The following KCNH3 variants were observed in gnomAD, a reference collection of about 807,000 sequenced individuals.
KCNH3 encodes the protein potassium voltage-gated channel subfamily H member 3.
In KCNH3, 36 loss-of-function variants were observed where a neutral mutation model predicts 95.6. The ratio of observed to expected loss-of-function variants is 0.38; its 90% CI spans 0.29 to 0.50. The LOEUF (loss-of-function observed/expected upper bound fraction) is 0.50. Among genes scored for constraint, KCNH3 ranks in the 20% least tolerant of loss-of-function variants. The pLI, the probability that KCNH3 is intolerant of heterozygous loss-of-function variation, is 0.95. For synonymous variants in KCNH3, 620 were observed against 646.3 expected, an observed-to-expected ratio of 0.96 and a Z score of 0.62; for missense variants, 1,030 against 1,484.1, an observed-to-expected ratio of 0.69 and a Z score of 5.03.
chr12:49,543,493 G>A lies in KCNH3; in HGVS notation c.798G>A (p.Leu266=). The change falls in exon 5 of 15, where the codon CTG becomes CTA. Residue 266 remains leucine, a synonymous_variant. Transcript: ENST00000257981. ...GCGGCCCGCCCAGCGTCTGTGACCTGGCCGTGGAGGTCCTCTTCATCCTTG... is the reference window on the plus strand; with the variant it reads ...GCGGCCCGCCCAGCGTCTGTGACCTAGCCGTGGAGGTCCTCTTCATCCTTG... ...AARGPPSVCD[L]AVEVLFILDI... 1 of 1,598,780 alleles carries A rather than the reference G, an allele frequency of 6.3e-7. No homozygotes were observed. The highest frequency in any genetic ancestry group is 8.5e-7 in the Non-Finnish European group (1 of 1,178,412).
Position 49,557,711 on chromosome 12 carries a change from G to A in KCNH3, c.3010G>A (p.Ala1004Thr), listed in dbSNP as rs1938524759. ...CTCCACCTCAGACTCAGAGCCCCCT[G>A]CCTCAGGAGACCTCTGCTCTGAGCC... is the stretch of plus-strand genomic sequence containing the variant. ...WTSTSDSEPP[A>T]SGDLCSEPST... The change falls in exon 15 of 15, where the codon GCC becomes ACC. Residue 1004 changes from alanine (A) to threonine (T), a missense_variant. Ala to Thr is a moderately conservative substitution (Grantham distance 58). Transcript: ENST00000257981. 1.2e-6 allele frequency: 2 copies of A among 1,613,834 alleles called. No individual in the cohort carries two copies. Among genetic ancestry groups the A allele is most frequent in the Non-Finnish European group, 1.7e-6 (2 of 1,179,996 alleles).
rs573857945 is a variant in KCNH3 at position 49,558,249 on chromosome 12, C to T, written c.*296C>T. The T allele has an allele frequency of 4.0e-5, 16 of 397,046 alleles. No homozygotes were observed. The South Asian group carries it at 7.6e-4, about 19-fold the overall frequency. The allele number at this position is 397,046 out of a possible 1,614,324, so 24.6% of individuals were successfully genotyped here. ...TTGCCATCCCCTGCATGTGCCCCTG[C>T]CTCTACCTGTCCCCAAATTTTTATA... is the stretch of plus-strand genomic sequence containing the variant. On this transcript the variant is annotated 3_prime_UTR_variant, in exon 15 of 15. Coordinates refer to ENST00000257981, the MANE Select transcript of KCNH3 (RefSeq NM_012284.3).
chr12:49,544,141 T>TGCCAG, intron 6 of KCNH3, 34 bp from the exon 7 acceptor site: 24 of 1,413,196 alleles, frequency 1.7e-5, no homozygotes, highest in Non-Finnish European at 2.1e-5. Context: ...CCCGCTGACC[T>TGCCAG]CCCTCCCTCC....
intron 10 of KCNH3, among the ~76,000 whole-genome samples, chr12:49,551,025 A>G (rs1443936041): frequency 6.6e-6 from 1 of 152,164 alleles, no homozygotes; most frequent in Admixed American, 6.5e-5. Context: ...CACAAAACCC[A>G]TTATTCCTAT....
intron 10 of KCNH3, among the ~76,000 whole-genome samples, chr12:49,552,668 A>G (rs1938302703): frequency 6.6e-6 from 1 of 152,236 alleles, no homozygotes; most frequent in South Asian, 2.1e-4. Flanking sequence ...GTTGTGAGGA[A>G]GGAAGTAGTT....
rs1257541379 is a variant in KCNH3 at position 49,544,250 on chromosome 12, T to C, written c.1057T>C (p.Ser353Pro). ...LRLLPRLDRY[S>P]QYSAVVLTLL... ...CCTGCTTCCGCGGCTGGACCGGTAC[T>C]CGCAGTACAGCGCCGTGGTGCTGAC... is the stretch of plus-strand genomic sequence containing the variant. Residue 353 changes from serine to proline, a missense_variant, in exon 7 of 15, where the codon TCG becomes CCG. Physicochemically the swap from Ser to Pro is moderately conservative, Grantham distance 74. Around this residue, in one of 9 missense-constraint regions of KCNH3, gnomAD observed 153 missense variants for 288.5 expected, o/e 0.53. Coordinates refer to ENST00000257981, the MANE Select transcript of KCNH3 (RefSeq NM_012284.3). 1.2e-6 allele frequency: 2 copies of C among 1,603,662 alleles called. No individual in the cohort carries two copies. Among genetic ancestry groups the C allele is most frequent in the Middle Eastern group, 3.3e-4 (2 of 6,046 alleles).
chr12:49,550,119 G>A lies in KCNH3; in HGVS notation c.1708G>A (p.Ala570Thr), dbSNP rs1264097797. ...SLPDELRADI[A>T]MHLHKEVLQL... ...CCCTGACGAGCTGCGCGCAGACATC[G>A]CCATGCACCTGCACAAGGAGGTCCT... Residue 570 changes from alanine to threonine, a missense_variant, in exon 10 of 15, where the codon GCC (alanine) becomes ACC (threonine). Ala to Thr is a moderately conservative substitution (Grantham distance 58). Around this residue, in one of 9 missense-constraint regions of KCNH3, gnomAD observed 160 missense variants for 316.2 expected, o/e 0.51. Transcript: ENST00000257981. 10 of 1,464,242 alleles carry A rather than the reference G, an allele frequency of 6.8e-6. No homozygotes were observed. Among genetic ancestry groups the A allele is most frequent in the East Asian group, 3.1e-5 (1 of 31,806 alleles). The allele number at this position is 1,464,242 out of a possible 1,614,324, so 90.7% of individuals were successfully genotyped here.
At chr12:49,544,776 C>T (rs1414512129) in intron 7 of KCNH3, among the ~76,000 whole-genome samples, 4 of 151,962 alleles carry the variant, frequency 2.6e-5, no homozygotes, top group African/African-American at 7.3e-5. Flanking sequence ...GCTTCCAAGG[C>T]CCCTGCCTTT....
chr12:49,541,209 C>T (rs1404425815), intron 2 of KCNH3, 77 bp downstream of exon 2: 1 of 1,069,754 alleles, frequency 9.3e-7, no homozygotes, highest in East Asian at 2.6e-5. Flanking sequence ...CACTGTCCCT[C>T]CTCCTTTCTG....
At chr12:49,541,792 G>T in intron 3 of KCNH3, 28 bp downstream of exon 3, 1 of 1,612,302 alleles carries the variant, frequency 6.2e-7, no homozygotes, top group Non-Finnish European at 8.5e-7. Flanking sequence ...CTGTGGTCGG[G>T]GTATTGGGTG....
intron 7 of KCNH3, among the ~76,000 whole-genome samples, chr12:49,548,095 CGT>C (rs369626063): frequency 0.037 from 5,441 of 146,454 alleles, 152 homozygotes; most frequent in South Asian, 0.13. Context: ...CCTGTGACTA[CGT>C]GTGTGTGTGT....
chr12:49,555,850 G>A lies in KCNH3; in HGVS notation c.2367G>A (p.Gly789=), dbSNP rs1449857207. The change falls in exon 12 of 15, where the codon GGG becomes GGA. Residue 789 remains glycine (G), a synonymous_variant. Coordinates refer to ENST00000257981, the MANE Select transcript of KCNH3 (RefSeq NM_012284.3). ...LGGRGRPGRA[G]ALKAEAGPSA... ...GCAGAGGGAGGCCAGGCAGGGCAGG[G>A]GCTTTGAAGGCTGAGGCTGGCCCCT... is the stretch of plus-strand genomic sequence containing the variant. The A allele has an allele frequency of 2.5e-6, 4 of 1,612,462 alleles. No homozygotes were observed. The highest frequency in any genetic ancestry group is 1.7e-4 in the Middle Eastern group (1 of 6,054).
At chr12:49,550,371 T>G (rs1938219568) in intron 10 of KCNH3, 42 bp downstream of exon 10, 17 of 1,565,730 alleles carry the variant, frequency 1.1e-5, no homozygotes, top group Non-Finnish European at 1.5e-5. Context: ...CACGTGTGTG[T>G]GAGACCATGG....
rs780726278 is a variant in KCNH3 at position 49,539,372 on chromosome 12, C to A, written c.-45C>A. ...TGGGCGCCCTCCCCCGGCGCGGAGT[C>A]CCCGCACCCCGGAGGGATGGGGCGG... is the stretch of plus-strand genomic sequence containing the variant. On this transcript the variant is annotated 5_prime_UTR_variant, in exon 1 of 15. Coordinates refer to ENST00000257981, the MANE Select transcript of KCNH3 (RefSeq NM_012284.3). This position sits in a 1 kb window ranked among gnomAD's most constrained non-coding sequence, Gnocchi z 6.7. The A allele has an allele frequency of 4.4e-6, 6 of 1,357,612 alleles. No individual in the cohort carries two copies. Among genetic ancestry groups the A allele is most frequent in the Non-Finnish European group, 4.8e-6 (5 of 1,041,820 alleles). 84.1% of individuals were successfully genotyped at this position (1,357,612 alleles called of 1,614,324 possible).
In KCNH3 at chr12:49,539,839, G is replaced by T. The variant is rs543015975; in HGVS notation, c.76+347G>T. Among the ~76,000 whole-genome samples the T allele has an allele frequency of 4.6e-4, 70 of 152,310 alleles. No individual in the cohort carries two copies. The highest frequency in any genetic ancestry group is 1.2e-3 in the South Asian group (6 of 4,822). The stretch of plus-strand genomic sequence containing the variant: ...TCGCAGCAACTACCCTCGGACTGGT[G>T]GGGTAAGGCGAGGCGGGTGAACAGT... On this transcript the variant is annotated intron_variant, in intron 1 of 14. Transcript: ENST00000257981. This position sits in a 1 kb window ranked among gnomAD's most constrained non-coding sequence, Gnocchi z 6.7.
In KCNH3 at chr12:49,557,213, C is replaced by CCA; in HGVS notation, c.2607_2608dup (p.Ser870ThrfsTer17). 1 of 1,613,978 alleles carries CCA rather than the reference C, an allele frequency of 6.2e-7. No homozygotes were observed. The highest frequency in any genetic ancestry group is 8.5e-7 in the Non-Finnish European group (1 of 1,179,972). Reference sequence around the variant, plus strand: ...GGCCTGCTCACTGTTCCCCATGGGCCCAGCGAGGCAAGGAACACAGACACA... The same window carrying CCA: ...GGCCTGCTCACTGTTCCCCATGGGCCCACAGCGAGGCAAGGAACACAGACACA... On this transcript the variant is annotated frameshift_variant, in exon 14 of 15. Coordinates refer to ENST00000257981, the MANE Select transcript of KCNH3 (RefSeq NM_012284.3). LOFTEE classifies it high-confidence loss of function.
At chr12:49,556,512 C>A (rs1201468589) in intron 13 of KCNH3, 36 bp downstream of exon 13, 1 of 1,463,576 alleles carries the variant, frequency 6.8e-7, no homozygotes, top group Non-Finnish European at 9.6e-7. Flanking sequence ...GTTGGTGGGG[C>A]AGCCCCTTTG....
chr12:49,546,766 G>A (rs1249615879), intron 7 of KCNH3, among the ~76,000 whole-genome samples: 1 of 152,190 alleles, frequency 6.6e-6, no homozygotes, highest in Non-Finnish European at 1.5e-5. Context: ...AAGATCAGAG[G>A]CCTCCCTGCC....
chr12:49,557,957 C>T lies in KCNH3; in HGVS notation c.*4C>T. On this transcript the variant is annotated 3_prime_UTR_variant, in exon 15 of 15. Coordinates refer to ENST00000257981, the MANE Select transcript of KCNH3 (RefSeq NM_012284.3). ...GGAAGAAGGCACAGGGGTCTGAGTA[C>T]CAGCCCTAGAACTCAGCGTTGCCAG... The T allele has an allele frequency of 6.7e-7, 1 of 1,500,086 alleles. No individual in the cohort carries two copies. Among genetic ancestry groups the T allele is most frequent in the Non-Finnish European group, 8.9e-7 (1 of 1,124,260 alleles). The allele number at this position is 1,500,086 out of a possible 1,614,324, so 92.9% of individuals were successfully genotyped here. A position where few individuals can be genotyped will look rare whatever the true frequency, so the allele number is the denominator to read the frequency against.
Sources: gnomAD v4.1 joint callset for allele counts (sites outside exome capture counted in the v4.1 genomes callset) on GRCh38, gnomAD v4.1.1 for gene constraint, gnomAD v4.1.1 regional missense constraint, Gnocchi (gnomAD v3.1) non-coding constraint, MANE v1.5 for transcripts, NCBI Gene and HGNC (gene_info 2026-07-23, HGNC 2026-07-21) for gene names.